The following NRXN3 variants were observed in gnomAD, a reference collection of about 807,000 sequenced individuals.
NRXN3 encodes the protein neurexin 3, also known as neurexin III.
NRXN3 carries 32 observed loss-of-function variants against 137.6 expected under a neutral mutation model. The ratio of observed to expected loss-of-function variants is 0.23; its 90% confidence interval spans 0.18 to 0.31. The LOEUF is 0.31. Among genes scored for constraint, NRXN3 ranks in the 10% least tolerant of loss-of-function variants. The probability of loss-of-function intolerance (pLI) is 1.00; values close to 1 mark genes in which losing one functional copy is unlikely to be tolerated. For synonymous variants in NRXN3, 798 were observed against 784.5 expected, an observed-to-expected ratio of 1.02 and a Z score of -0.29; for missense variants, 1,574 against 2,062.5, an observed-to-expected ratio of 0.76 and a Z score of 4.59.
intron 15 of NRXN3, among the ~76,000 whole-genome samples, chr14:79,275,733 G>T (rs556827422): frequency 2.0e-5 from 3 of 148,080 alleles, no homozygotes; most frequent in Non-Finnish European, 4.5e-5. Context: ...GGTGAGGATG[G>T]GGGGGGGGAC....
chr14:79,742,921 A>T (rs2098967611), intron 19 of NRXN3, among the ~76,000 whole-genome samples: 2 of 152,196 alleles, frequency 1.3e-5, no homozygotes, highest in East Asian at 1.9e-4. Flanking sequence ...TTAGATGAAA[A>T]AACTAAAGCA....
chr14:78,382,501 A>G (rs554418414), intron 4 of NRXN3, among the ~76,000 whole-genome samples: 200 of 152,334 alleles, frequency 1.3e-3, no homozygotes, highest in Non-Finnish European at 2.5e-3. Flanking sequence ...TTGCAAAGCG[A>G]CTGAGCCACA....
chr14:78,898,392 A>G (rs2099184777), intron 10 of NRXN3, among the ~76,000 whole-genome samples: 1 of 151,962 alleles, frequency 6.6e-6, no homozygotes, highest in Admixed American at 6.6e-5. Context: ...AACTCCAGCA[A>G]TGGGAACTCC....
intron 1 of NRXN3, chr14:78,231,304 G>A (rs1222147258): frequency 6.6e-6 from 1 of 152,378 alleles, no homozygotes; most frequent in Admixed American, 6.5e-5. Context: ...GAGGTCAGGG[G>A]TGTAGTGCCT....
chr14:78,727,826 G>A (rs970465), intron 8 of NRXN3, among the ~76,000 whole-genome samples: 21,322 of 152,090 alleles, frequency 0.14, 2,049 homozygotes, highest in African/African-American at 0.27. Context: ...AGTGTGTTAA[G>A]TCACATATCT....
At chr14:79,354,763 C>A (rs990217771) in intron 15 of NRXN3, among the ~76,000 whole-genome samples, 1 of 152,310 alleles carries the variant, frequency 6.6e-6, no homozygotes, top group African/African-American at 2.4e-5. Context: ...GTTTTCAAAT[C>A]ACTCCAAAAT....
intron 16 of NRXN3, among the ~76,000 whole-genome samples, chr14:79,493,034 A>G (rs973068923): frequency 2.0e-5 from 3 of 152,236 alleles, no homozygotes; most frequent in Non-Finnish European, 2.9e-5. Context: ...GAGATAGCCC[A>G]ATGTGATATT....
chr14:79,216,136 C>T (rs533602359), intron 15 of NRXN3, among the ~76,000 whole-genome samples: 6 of 152,252 alleles, frequency 3.9e-5, no homozygotes, highest in African/African-American at 1.2e-4. Flanking sequence ...CCTAGAATTA[C>T]CTGGAGGCTT....
chr14:79,297,728 G>A (rs79854333), intron 15 of NRXN3, among the ~76,000 whole-genome samples: 2 of 152,110 alleles, frequency 1.3e-5, no homozygotes, highest in East Asian at 1.9e-4. Context: ...TGTATAGAAG[G>A]AACATTTCCA....
intron 4 of NRXN3, among the ~76,000 whole-genome samples, chr14:78,585,320 A>C (rs2097051670): frequency 6.6e-6 from 1 of 152,132 alleles, no homozygotes; most frequent in Non-Finnish European, 1.5e-5. Context: ...AGGCACAGGA[A>C]GGGGCCTGTG....
intron 15 of NRXN3, among the ~76,000 whole-genome samples, chr14:79,338,208 T>TATGTGA (rs2092389059): frequency 7.8e-6 from 1 of 128,876 alleles, no homozygotes; most frequent in East Asian, 2.1e-4. Flanking sequence ...TGTGTGTGTG[T>TATGTGA]GTGTATGTGA....
At chr14:78,683,628 G>A (rs1044258842) in intron 6 of NRXN3, among the ~76,000 whole-genome samples, 11 of 152,172 alleles carry the variant, frequency 7.2e-5, no homozygotes, top group Admixed American at 1.3e-4. Flanking sequence ...GCAAGATTCC[G>A]CAGATTGCAC....
intron 15 of NRXN3, among the ~76,000 whole-genome samples, chr14:79,032,496 T>C (rs778394064): frequency 2.6e-5 from 4 of 152,146 alleles, no homozygotes; most frequent in Non-Finnish European, 5.9e-5. Flanking sequence ...ATAAAGTACA[T>C]GACATGGGAG....
chr14:78,615,156 C>T (rs919002062), intron 4 of NRXN3: 1 of 452,884 alleles, frequency 2.2e-6, no homozygotes, highest in South Asian at 1.6e-5. Context: ...ATAACAATAT[C>T]TTACATGTAT....
chr14:79,832,776 A>G (rs1410553208), intron 20 of NRXN3, among the ~76,000 whole-genome samples: 3 of 152,148 alleles, frequency 2.0e-5, no homozygotes, highest in African/African-American at 4.8e-5. Context: ...AAAAAACATA[A>G]ATTGCCCTTC....
chr14:79,862,943 A>G lies in NRXN3; in HGVS notation c.*979A>G, dbSNP rs577981937. The G allele has an allele frequency of 1.3e-5, 2 of 152,586 alleles. No homozygotes were observed. The highest frequency in any genetic ancestry group is 2.1e-4 in the South Asian group (1 of 4,820). The allele number at this position is 152,586 out of a possible 1,614,324, so 9.5% of individuals were successfully genotyped here. On this transcript the variant is annotated 3_prime_UTR_variant, in exon 21 of 21. Transcript: ENST00000335750. ...TTGTGTTAAAGAGGAAAGCCCCACA[A>G]ACTAAAACAGCCTTTCCTAGGGAAG...
intron 4 of NRXN3, among the ~76,000 whole-genome samples, chr14:78,513,117 A>C (rs898978827): frequency 2.6e-5 from 4 of 152,192 alleles, no homozygotes; most frequent in Non-Finnish European, 5.9e-5. Context: ...TGAGGAAGGC[A>C]ACTTGGCAGT....
rs961030154 is a variant in NRXN3 at position 79,381,205 on chromosome 14, ATG to A, written c.3263-86014_3263-86013del. Among the ~76,000 whole-genome samples, 198 of 136,860 alleles carry A rather than the reference ATG, an allele frequency of 1.4e-3. 1 individual carries two copies. The highest frequency in any genetic ancestry group is 3.5e-4 in the Non-Finnish European group (21 of 60,846). The allele number at this position is 136,860 out of a possible 152,430, so 89.8% of individuals were successfully genotyped here. On this transcript the variant is annotated intron_variant, in intron 15 of 20. Transcript: ENST00000335750. ...TTAGTTTATTCTTTTAATGCGTTGA[ATG>A]TTTTTTTTTTTTTTGAAAAATAATA...
chr14:79,108,639 T>A (rs1297424321), intron 15 of NRXN3, among the ~76,000 whole-genome samples: 2 of 152,156 alleles, frequency 1.3e-5, no homozygotes, highest in Non-Finnish European at 2.9e-5. Context: ...TAATCACAGT[T>A]CAATACAGCA....
Sources: gnomAD v4.1 joint callset for allele counts (sites outside exome capture counted in the v4.1 genomes callset) on GRCh38, gnomAD v4.1.1 for gene constraint, MANE v1.5 for transcripts, NCBI Gene and HGNC (gene_info 2026-07-23, HGNC 2026-07-21) for gene names.